Variants in TRAP1 observed in about 807,000 individuals in gnomAD.
TRAP1 encodes the protein TNF receptor associated protein 1.
TRAP1 carries 102 observed loss-of-function variants against 89.1 expected under a neutral mutation model. The ratio of observed to expected loss-of-function variants is 1.15; its 90% CI spans 0.98 to 1.35. The LOEUF (loss-of-function observed/expected upper bound fraction) is 1.35, where lower values mean the gene tolerates loss of function less well. Ranked by LOEUF, TRAP1 falls within the 40% of genes most tolerant of loss-of-function variation. The pLI, the probability that TRAP1 is intolerant of heterozygous loss-of-function variation, is 0.00. For missense variants in TRAP1, 1,256 were observed against 945.3 expected (o/e 1.33, Z -4.31); for synonymous variants, 508 against 388.0 (o/e 1.31, Z -3.64).
intron 7 of TRAP1, among the ~76,000 whole-genome samples, 176 bp downstream of exon 7, chr16:3,675,860 G>A (rs575577563): frequency 2.0e-5 from 3 of 152,214 alleles, no homozygotes; most frequent in East Asian, 1.9e-4. Context: ...GCAGGAGCTC[G>A]ATGCTACGCA....
intron 11 of TRAP1, among the ~76,000 whole-genome samples, chr16:3,668,204 G>A (rs946960156): frequency 3.3e-5 from 5 of 151,936 alleles, no homozygotes; most frequent in Non-Finnish European, 7.4e-5. Context: ...TTACAGGAGT[G>A]AGCCATTGCG....
intron 2 of TRAP1, 104 bp from the exon 3 acceptor site, chr16:3,689,241 ACTT>A: frequency 1.1e-6 from 1 of 886,728 alleles, no homozygotes. Context: ...TGAGTTTTAA[ACTT>A]TTTTTTTTTT....
At position 3,689,100 on chromosome 16, in the gene TRAP1, C is replaced by G. The variant is rs914424166; in HGVS notation, c.285G>C (p.Lys95Asn). Reference sequence around the variant, plus strand: ...ACCGGGCAACAATGTCCAAAAGCTTCTTTGTCTCGGCCTGGAACTCATGTT... The same window carrying G: ...ACCGGGCAACAATGTCCAAAAGCTTGTTTGTCTCGGCCTGGAACTCATGTT... ...TSKHEFQAET[K>N]KLLDIVARSL... Residue 95 changes from lysine (K) to asparagine (N), a missense_variant, in exon 3 of 18, where the codon AAG becomes AAC. Lys to Asn is a moderately conservative substitution (Grantham distance 94, BLOSUM62 0). Transcript: ENST00000246957. 7 of 1,613,938 alleles carry G rather than the reference C, an allele frequency of 4.3e-6. No homozygotes were observed. In the African/African-American group the frequency reaches 9.3e-5, roughly 22 times the overall value.
chr16:3,682,387 CAAAAA>C (rs569995327), intron 4 of TRAP1, among the ~76,000 whole-genome samples: 1 of 78,358 alleles, frequency 1.3e-5, no homozygotes, highest in African/African-American at 4.9e-5. Context: ...CCTGCCTCTA[CAAAAA>C]AAAAAAAAAA....
intron 1 of TRAP1, among the ~76,000 whole-genome samples, chr16:3,707,473 C>T (rs566625525): frequency 2.0e-5 from 3 of 151,598 alleles, no homozygotes; most frequent in South Asian, 4.2e-4. Context: ...GCGTGAGCCA[C>T]CGCGCCCGGC....
At chr16:3,666,995 A>G (rs992058943) in intron 11 of TRAP1, among the ~76,000 whole-genome samples, 2 of 152,176 alleles carry the variant, frequency 1.3e-5, no homozygotes, top group Admixed American at 1.3e-4. Context: ...GTTCATTTAG[A>G]GCCTTTCCTC....
chr16:3,710,037 C>T (rs905784051), intron 1 of TRAP1, among the ~76,000 whole-genome samples: 9 of 152,246 alleles, frequency 5.9e-5, no homozygotes, highest in African/African-American at 1.9e-4. Flanking sequence ...GCATTCTCAA[C>T]ACTCACTGTT....
At chr16:3,714,440 C>T (rs1215272744) in intron 1 of TRAP1, among the ~76,000 whole-genome samples, 6 of 152,144 alleles carry the variant, frequency 3.9e-5, no homozygotes, top group Middle Eastern at 3.2e-3. Flanking sequence ...GCTAGTGGAT[C>T]ATGAGGTCAG....
intron 11 of TRAP1, among the ~76,000 whole-genome samples, chr16:3,666,324 A>G (rs1007240393): frequency 6.6e-6 from 1 of 151,928 alleles, no homozygotes; most frequent in Admixed American, 6.6e-5. Context: ...TGGAGGGCAG[A>G]CACCCCCTGG....
In TRAP1 at chr16:3,694,106, G is replaced by A. The variant is rs184081520; in HGVS notation, c.89-3121C>T. ...CTCTCCCCAGCTTCTGGCAGTAGCCGGCATCCTTGGTGTTTCATGCTTTGC... is the reference window on the plus strand; with the variant it reads ...CTCTCCCCAGCTTCTGGCAGTAGCCAGCATCCTTGGTGTTTCATGCTTTGC... On this transcript the variant is annotated intron_variant, in intron 1 of 17. Transcript: ENST00000246957. Among the ~76,000 whole-genome samples the A allele has an allele frequency of 3.3e-5, 5 of 151,860 alleles. No individual in the cohort carries two copies. In the East Asian group the frequency reaches 7.8e-4, roughly 24 times the overall value.
At chr16:3,703,538 T>A (rs2051397722) in intron 1 of TRAP1, among the ~76,000 whole-genome samples, 1 of 151,992 alleles carries the variant, frequency 6.6e-6, no homozygotes, top group Non-Finnish European at 1.5e-5. Context: ...GCTATTCTCA[T>A]ATGCCACGCA....
rs141209000 is a variant in TRAP1, at chr16:3,672,711, C to G, written c.1154G>C (p.Arg385Pro). The stretch of plus-strand genomic sequence containing the variant: ...TCTGAGCAGCGTACCTCGGATGAAG[C>G]GCAGCCACTTGGGCAGGATGTCCGT... ...KATDILPKWLRFIRGVVDSED... is the reference protein window; with the variant it reads ...KATDILPKWLPFIRGVVDSED... The change falls in exon 10 of 18, where the codon CGC becomes CCC. Residue 385 changes from arginine (R) to proline (P), a missense_variant. Arg to Pro is a moderately radical substitution (Grantham distance 103, BLOSUM62 -2). Coordinates refer to ENST00000246957, the MANE Select transcript of TRAP1 (RefSeq NM_016292.3). 2 of 1,608,446 alleles carry G rather than the reference C, an allele frequency of 1.2e-6. No homozygotes were observed. The highest frequency in any genetic ancestry group is 1.7e-6 in the Non-Finnish European group (2 of 1,177,882).
intron 1 of TRAP1, among the ~76,000 whole-genome samples, chr16:3,692,273 C>T (rs747112651): frequency 5.9e-5 from 9 of 152,138 alleles, no homozygotes; most frequent in Non-Finnish European, 8.8e-5. Context: ...CGGTGGCTCA[C>T]GCCCGTAAAC....
intron 4 of TRAP1, among the ~76,000 whole-genome samples, chr16:3,683,805 C>A (rs1480281853): frequency 2.7e-5 from 4 of 148,182 alleles, no homozygotes; most frequent in Non-Finnish European, 6.0e-5. Context: ...AAAAAAAAAA[C>A]TATAGATTTT....
At position 3,664,353 on chromosome 16, in the gene TRAP1, A is replaced by G. The variant is rs779151179; in HGVS notation, c.1490T>C (p.Ile497Thr). The G allele has an allele frequency of 3.7e-6, 6 of 1,612,672 alleles. No homozygotes were observed. Among genetic ancestry groups the G allele is most frequent in the South Asian group, 1.1e-5 (1 of 90,792 alleles). Reference sequence around the variant, plus strand: ...ACGGTTGGGGGCGCACAGGTAGTAGATGTTGCGGGTGCCGGCCCGCATGCG... The same window carrying G: ...ACGGTTGGGGGCGCACAGGTAGTAGGTGTTGCGGGTGCCGGCCCGCATGCG... ...ASRMRAGTRN[I>T]YYLCAPNRHL... Residue 497 changes from isoleucine to threonine, a missense_variant, in exon 13 of 18, where the codon ATC (isoleucine) becomes ACC (threonine). By Grantham distance (89) the Ile-to-Thr change is moderately conservative. Coordinates refer to ENST00000246957, the MANE Select transcript of TRAP1 (RefSeq NM_016292.3).
chr16:3,698,508 T>C (rs1263032531), intron 1 of TRAP1, among the ~76,000 whole-genome samples: 1 of 151,896 alleles, frequency 6.6e-6, no homozygotes, highest in African/African-American at 2.4e-5. Flanking sequence ...TTCACCGTGT[T>C]AGCCAGGATG....
intron 14 of TRAP1, 190 bp downstream of exon 14, chr16:3,663,234 G>C (rs1193114873): frequency 1.3e-6 from 1 of 754,990 alleles, no homozygotes; most frequent in African/African-American, 1.8e-5. Flanking sequence ...AGGAGCACTG[G>C]ACAGACCCCT....
chr16:3,685,812 T>G (rs2051131059), intron 4 of TRAP1, among the ~76,000 whole-genome samples, 184 bp downstream of exon 4: 1 of 152,348 alleles, frequency 6.6e-6, no homozygotes, highest in African/African-American at 2.4e-5. Flanking sequence ...TCTTTTCTGC[T>G]TACCTGCTTT....
At chr16:3,716,719 T>C (rs1327444415) in intron 1 of TRAP1, among the ~76,000 whole-genome samples, 5 of 152,238 alleles carry the variant, frequency 3.3e-5, no homozygotes, top group South Asian at 2.1e-4. Flanking sequence ...TTCACTGTTG[T>C]TACCTCCGAG....
Sources: allele counts gnomAD v4.1 joint callset (sites outside exome capture counted in the v4.1 genomes callset), GRCh38; gene constraint gnomAD v4.1.1; transcripts MANE v1.5; gene names NCBI Gene and HGNC (gene_info 2026-07-23, HGNC 2026-07-21).